Variants in CLVS2 observed in about 807,000 individuals in gnomAD.
CLVS2 encodes the protein clavesin 2.
CLVS2 carries 19 observed loss-of-function variants against 29.0 expected under a neutral mutation model. The ratio of observed to expected loss-of-function variants is 0.66; its 90% CI spans 0.46 to 0.96. The LOEUF (loss-of-function observed/expected upper bound fraction) is 0.96, where lower values mean the gene tolerates loss of function less well. CLVS2 is among the 40% of genes least tolerant of loss of function. CLVS2 has a pLI of 0.00. For synonymous variants in CLVS2, 161 were observed against 151.3 expected, an observed-to-expected ratio of 1.06 and a Z score of -0.47; for missense variants, 294 against 404.1, an observed-to-expected ratio of 0.73 and a Z score of 2.34.
rs529633272 is a variant in CLVS2, at chr6:123,031,805, T to G, written c.565-16817T>G. 3.9e-5 allele frequency among the ~76,000 whole-genome samples: 6 copies of G among 152,192 alleles called. No homozygotes were observed. In the East Asian group the frequency reaches 1.2e-3, roughly 29 times the overall value. On this transcript the variant is annotated intron_variant, in intron 3 of 5. Transcript: ENST00000275162. ...GTCTACCAGTAGTACCTTTTTTTTT[T>G]TTAATTGCCTTAGCCTCATTATGAG...
At chr6:123,006,158 T>C (rs1341806967) in intron 2 of CLVS2, among the ~76,000 whole-genome samples, 1 of 152,136 alleles carries the variant, frequency 6.6e-6, no homozygotes, top group Non-Finnish European at 1.5e-5. Context: ...CAGGGAAAGC[T>C]GGTGGCGGGC....
At chr6:123,007,266 A>G (rs890313605) in intron 2 of CLVS2, among the ~76,000 whole-genome samples, 7 of 152,202 alleles carry the variant, frequency 4.6e-5, no homozygotes, top group Admixed American at 4.6e-4. Flanking sequence ...AGTAGTTTAC[A>G]TTCTGTCCTA....
In CLVS2 at chr6:122,996,448, C is replaced by G. The variant is rs547829976; in HGVS notation, c.-858C>G. 8 of 153,002 alleles carry G rather than the reference C, an allele frequency of 5.2e-5. No individual in the cohort carries two copies. The highest frequency in any genetic ancestry group is 1.9e-4 in the African/African-American group (8 of 41,596). The allele number at this position is 153,002 out of a possible 1,614,324, so 9.5% of individuals were successfully genotyped here. A position where few individuals can be genotyped will look rare whatever the true frequency, so the allele number is the denominator to read the frequency against. On this transcript the variant is annotated 5_prime_UTR_variant, in exon 1 of 6. Coordinates refer to ENST00000275162, the MANE Select transcript of CLVS2 (RefSeq NM_001010852.4). ...GCGTTCGCGTCCTCCTCCCCACCTTCTCTCCCGAAGGCGAAAATGGCAGGG... is the reference window on the plus strand; with the variant it reads ...GCGTTCGCGTCCTCCTCCCCACCTTGTCTCCCGAAGGCGAAAATGGCAGGG...
At chr6:123,063,629 A>G (rs1376041307) in intron 5 of CLVS2, 45 bp from the exon 6 acceptor site, 1 of 1,120,846 alleles carries the variant, frequency 8.9e-7, no homozygotes, top group Non-Finnish European at 1.4e-6. Flanking sequence ...TCATCTGCAC[A>G]ATTACCTGGT....
At chr6:123,021,051 T>TG (rs60372312) in intron 3 of CLVS2, among the ~76,000 whole-genome samples, 59,837 of 147,158 alleles carry the variant, frequency 0.41, 12,360 homozygotes, top group African/African-American at 0.47. Flanking sequence ...TGAAAGAGTA[T>TG]GGGGGGGGTA....
chr6:123,047,472 A>C (rs1486985143), intron 3 of CLVS2, among the ~76,000 whole-genome samples: 1 of 152,222 alleles, frequency 6.6e-6, no homozygotes, highest in Non-Finnish European at 1.5e-5. Flanking sequence ...GTTGCTTCGC[A>C]AAATGAAATT....
chr6:123,045,301 G>A (rs914356984), intron 3 of CLVS2, among the ~76,000 whole-genome samples: 1 of 151,958 alleles, frequency 6.6e-6, no homozygotes, highest in Non-Finnish European at 1.5e-5. Flanking sequence ...AGTGTTTAAG[G>A]CCACATTGGA....
chr6:123,045,346 A>T (rs1772471934), intron 3 of CLVS2, among the ~76,000 whole-genome samples: 1 of 152,136 alleles, frequency 6.6e-6, no homozygotes, highest in African/African-American at 2.4e-5. Context: ...GGAGGACTAC[A>T]GCTGAATCCT....
intron 3 of CLVS2, among the ~76,000 whole-genome samples, chr6:123,033,017 T>G (rs541139679): frequency 6.6e-6 from 1 of 152,186 alleles, no homozygotes; most frequent in East Asian, 1.9e-4. Context: ...TTTCTGCTAA[T>G]TTTTCTCAGT....
At chr6:123,005,455 T>C (rs1245537407) in intron 2 of CLVS2, among the ~76,000 whole-genome samples, 1 of 152,172 alleles carries the variant, frequency 6.6e-6, no homozygotes, top group African/African-American at 2.4e-5. Flanking sequence ...AATTTAATAA[T>C]GGCTGATTGA....
chr6:123,019,928 C>G (rs1459588504), intron 3 of CLVS2, among the ~76,000 whole-genome samples: 1 of 151,626 alleles, frequency 6.6e-6, no homozygotes, highest in Non-Finnish European at 1.5e-5. Context: ...ATCAGTGTTC[C>G]AGCTCAAAGA....
At chr6:123,053,862 G>C (rs930413145) in intron 4 of CLVS2, among the ~76,000 whole-genome samples, 2 of 152,148 alleles carry the variant, frequency 1.3e-5, no homozygotes, top group Admixed American at 6.6e-5. Context: ...GTAGGGGAGA[G>C]AGGACGAATT....
At position 123,065,586 on chromosome 6, in the gene CLVS2, G is replaced by C. The variant is rs972204930; in HGVS notation, c.*1825G>C. 2 of 151,840 alleles carry C rather than the reference G, an allele frequency of 1.3e-5. No homozygotes were observed. Among genetic ancestry groups the C allele is most frequent in the Non-Finnish European group, 2.9e-5 (2 of 67,820 alleles). The allele number at this position is 151,840 out of a possible 1,614,324, so 9.4% of individuals were successfully genotyped here. ...CTCCTTGTGACTTTTACAGAGATTG[G>C]AATGCACTGGGGACAACATGTCTCA... On this transcript the variant is annotated 3_prime_UTR_variant, in exon 6 of 6. Transcript: ENST00000275162.
chr6:123,034,023 C>T (rs946336793), intron 3 of CLVS2, among the ~76,000 whole-genome samples: 1 of 152,004 alleles, frequency 6.6e-6, no homozygotes, highest in African/African-American at 2.4e-5. Context: ...TCACTACATA[C>T]CTCTCAAAAT....
chr6:123,062,125 G>A (rs940902832), intron 5 of CLVS2, among the ~76,000 whole-genome samples: 1 of 152,058 alleles, frequency 6.6e-6, no homozygotes, highest in Non-Finnish European at 1.5e-5. Flanking sequence ...GTGCATATCA[G>A]TTGTCAGGTT....
At chr6:123,002,612 A>AATAAAATAAAATAAT (rs1774605824) in intron 2 of CLVS2, among the ~76,000 whole-genome samples, 2 of 151,944 alleles carry the variant, frequency 1.3e-5, no homozygotes, top group Non-Finnish European at 2.9e-5. Flanking sequence ...AATAAAATAA[A>AATAAAATAAAATAAT]ATAAAATGAA....
At position 123,019,772 on chromosome 6, in the gene CLVS2, G is replaced by A. The variant is rs1000938183; in HGVS notation, c.564+8613G>A. Among the ~76,000 whole-genome samples, 3 of 152,038 alleles carry A rather than the reference G, an allele frequency of 2.0e-5. No homozygotes were observed. The South Asian group carries it at 6.2e-4, about 32-fold the overall frequency. On this transcript the variant is annotated intron_variant, in intron 3 of 5. Coordinates refer to ENST00000275162, the MANE Select transcript of CLVS2 (RefSeq NM_001010852.4). ...GACGTTGGCTTATGCAGTTATGGAGGCTGAGAAGTCCCAGAATATGCACTC... is the reference window on the plus strand; with the variant it reads ...GACGTTGGCTTATGCAGTTATGGAGACTGAGAAGTCCCAGAATATGCACTC...
chr6:123,049,766 A>G (rs754420416), intron 4 of CLVS2, among the ~76,000 whole-genome samples: 2 of 141,728 alleles, frequency 1.4e-5, no homozygotes, highest in Non-Finnish European at 3.1e-5. Flanking sequence ...ACATGGACAC[A>G]GGAAGGGGAA....
intron 3 of CLVS2, among the ~76,000 whole-genome samples, chr6:123,042,282 C>A (rs1307370259): frequency 1.3e-5 from 2 of 151,950 alleles, no homozygotes; most frequent in Non-Finnish European, 2.9e-5. Context: ...TTTCTCTTTT[C>A]TCTGATGGCA....
Sources: gnomAD v4.1 joint callset for allele counts (sites outside exome capture counted in the v4.1 genomes callset) on GRCh38, gnomAD v4.1.1 for gene constraint, MANE v1.5 for transcripts, NCBI Gene and HGNC (gene_info 2026-07-23, HGNC 2026-07-21) for gene names.